Variants in COMMD10 observed in about 807,000 individuals in gnomAD.
COMMD10 encodes COMM domain containing 10.
Under a neutral mutation model 28.9 loss-of-function variants are expected in COMMD10, and 33 were observed. The ratio of observed to expected loss-of-function variants is 1.14; its 90% CI spans 0.87 to 1.53. The LOEUF (loss-of-function observed/expected upper bound fraction) is 1.53. Among genes scored for constraint, COMMD10 ranks in the 40% most tolerant of loss-of-function variants. The probability of loss-of-function intolerance (pLI) is 0.00; values close to 1 mark genes in which losing one functional copy is unlikely to be tolerated. For synonymous variants in COMMD10, 110 were observed against 81.7 expected, an observed-to-expected ratio of 1.35 and a Z score of -1.87; for missense variants, 310 against 233.4, an observed-to-expected ratio of 1.33 and a Z score of -2.14.
At chr5:116,170,616 T>G (rs1358887742) in intron 5 of COMMD10, among the ~76,000 whole-genome samples, 4 of 152,118 alleles carry the variant, frequency 2.6e-5, no homozygotes. Flanking sequence ...CAAAACAGCA[T>G]GGTACTGGTA....
chr5:116,141,661 C>G (rs931544277), intron 5 of COMMD10, among the ~76,000 whole-genome samples: 6 of 151,834 alleles, frequency 4.0e-5, no homozygotes, highest in East Asian at 1.9e-4. Context: ...TCTTTTTGCT[C>G]TCCTAGCAAT....
At chr5:116,147,772 T>C (rs1170397286) in intron 5 of COMMD10, among the ~76,000 whole-genome samples, 1 of 151,904 alleles carries the variant, frequency 6.6e-6, no homozygotes, top group African/African-American at 2.4e-5. Flanking sequence ...ATTACACAAG[T>C]AATTTACATT....
chr5:116,133,443 G>A (rs1317500923), intron 4 of COMMD10, among the ~76,000 whole-genome samples: 2 of 152,154 alleles, frequency 1.3e-5, no homozygotes, highest in African/African-American at 4.8e-5. Context: ...AACTGGGAAC[G>A]ATAGTAAGAG....
intron 5 of COMMD10, among the ~76,000 whole-genome samples, chr5:116,196,717 A>C (rs951240778): frequency 7.4e-5 from 11 of 148,280 alleles, no homozygotes; most frequent in Non-Finnish European, 1.5e-4. Context: ...TTAGTCACAG[A>C]AATACTAACT....
chr5:116,127,608 G>A (rs1467374583), intron 4 of COMMD10, among the ~76,000 whole-genome samples: 2 of 152,134 alleles, frequency 1.3e-5, no homozygotes, highest in Non-Finnish European at 2.9e-5. Flanking sequence ...AAAAAAGGAT[G>A]AGTTCATGTC....
chr5:116,269,480 T>C (rs569790778), intron 5 of COMMD10, among the ~76,000 whole-genome samples: 1 of 151,834 alleles, frequency 6.6e-6, no homozygotes. Context: ...GGTAGTAAAA[T>C]AAAAAATCTT....
At chr5:116,107,525 C>G (rs982129525) in intron 4 of COMMD10, among the ~76,000 whole-genome samples, 3 of 152,106 alleles carry the variant, frequency 2.0e-5, no homozygotes, top group Non-Finnish European at 2.9e-5. Flanking sequence ...TTTTCAGCTC[C>G]AAGAGGTCAT....
chr5:116,246,353 A>G (rs1090077), intron 5 of COMMD10, among the ~76,000 whole-genome samples: 76,443 of 151,926 alleles, frequency 0.5, 22,022 homozygotes, highest in Non-Finnish European at 0.65. Flanking sequence ...ATGGAAAAAC[A>G]TTTCATGCTC....
At chr5:116,178,460 G>T (rs564620541) in intron 5 of COMMD10, among the ~76,000 whole-genome samples, 2 of 151,894 alleles carry the variant, frequency 1.3e-5, no homozygotes, top group East Asian at 3.9e-4. Flanking sequence ...TCAAATTAAC[G>T]GATAATAAAG....
At chr5:116,124,458 T>G (rs992255422) in intron 4 of COMMD10, among the ~76,000 whole-genome samples, 2 of 152,212 alleles carry the variant, frequency 1.3e-5, no homozygotes, top group African/African-American at 4.8e-5. Context: ...TTCTGTTCTT[T>G]TACATTGGCT....
At chr5:116,171,933 A>G (rs768758603) in intron 5 of COMMD10, among the ~76,000 whole-genome samples, 1 of 152,132 alleles carries the variant, frequency 6.6e-6, no homozygotes, top group Non-Finnish European at 1.5e-5. Context: ...TATGTAACAA[A>G]TCTGCATGTT....
At chr5:116,201,112 A>G (rs1748654578) in intron 5 of COMMD10, among the ~76,000 whole-genome samples, 1 of 152,152 alleles carries the variant, frequency 6.6e-6, no homozygotes. Context: ...TCCCACCTGG[A>G]AGGCTAGTGC....
chr5:116,241,581 T>C (rs2112663514), intron 5 of COMMD10, among the ~76,000 whole-genome samples: 1 of 138,944 alleles, frequency 7.2e-6, no homozygotes, highest in South Asian at 2.4e-4. Flanking sequence ...ACACTCTGCT[T>C]TCTTATTTAT....
intron 5 of COMMD10, among the ~76,000 whole-genome samples, chr5:116,241,593 TA>T (rs1749813715): frequency 1.4e-5 from 2 of 147,546 alleles, no homozygotes; most frequent in African/African-American, 5.0e-5. Context: ...CTTATTTATT[TA>T]TTTATTTATT....
intron 4 of COMMD10, among the ~76,000 whole-genome samples, chr5:116,112,436 C>T (rs914676945): frequency 3.3e-5 from 5 of 151,494 alleles, no homozygotes; most frequent in African/African-American, 9.7e-5. Context: ...CGCGTGCTGT[C>T]GCCAAGCTGG....
intron 5 of COMMD10, among the ~76,000 whole-genome samples, chr5:116,193,427 C>T (rs1249167635): frequency 6.6e-6 from 1 of 152,014 alleles, no homozygotes; most frequent in Non-Finnish European, 1.5e-5. Flanking sequence ...AGGAGACTCA[C>T]CTAACACCTA....
intron 5 of COMMD10, among the ~76,000 whole-genome samples, chr5:116,161,035 A>T (rs74717445): frequency 0.054 from 8,211 of 152,186 alleles, 312 homozygotes; most frequent in African/African-American, 0.11. Context: ...TTGAAAAAAT[A>T]TCTCATTTCT....
At chr5:116,259,583 C>G (rs1009613185) in intron 5 of COMMD10, among the ~76,000 whole-genome samples, 8 of 151,542 alleles carry the variant, frequency 5.3e-5, no homozygotes, top group Non-Finnish European at 7.4e-5. Context: ...CTAGGCTGAA[C>G]AGTCTTGGTG....
At chr5:116,198,789 A>G (rs1231222377) in intron 5 of COMMD10, among the ~76,000 whole-genome samples, 3 of 152,126 alleles carry the variant, frequency 2.0e-5, no homozygotes, top group African/African-American at 7.2e-5. Flanking sequence ...ATGCATCGAT[A>G]GCTCATTTAT....
Sources: gnomAD v4.1 joint callset for allele counts (sites outside exome capture counted in the v4.1 genomes callset) on GRCh38, gnomAD v4.1.1 for gene constraint, MANE v1.5 for transcripts, NCBI Gene and HGNC (gene_info 2026-07-23, HGNC 2026-07-21) for gene names.